STK3: variants seen among roughly 807,000 people sequenced by gnomAD.
STK3 encodes the protein serine/threonine kinase 3.
A neutral mutation model predicts 58.0 loss-of-function variants in STK3; 41 were observed. The ratio of observed to expected loss-of-function variants is 0.71; its 90% CI spans 0.55 to 0.92. STK3 has a LOEUF of 0.92. Among genes scored for constraint, STK3 ranks in the 40% least tolerant of loss-of-function variants. The pLI, the probability that STK3 is intolerant of heterozygous loss-of-function variation, is 0.00. For synonymous variants in STK3, 170 were observed against 191.0 expected (o/e 0.89, Z 0.91); for missense variants, 479 against 602.7 (o/e 0.79, Z 2.15).
chr8:98,672,922 T>G (rs1243295379), intron 6 of STK3, among the ~76,000 whole-genome samples: 1 of 152,114 alleles, frequency 6.6e-6, no homozygotes, highest in Non-Finnish European at 1.5e-5. Flanking sequence ...GCCATATAAT[T>G]ATTGTGAAAT....
At chr8:98,491,130 A>G (rs1248482556) in intron 10 of STK3, among the ~76,000 whole-genome samples, 1 of 151,120 alleles carries the variant, frequency 6.6e-6, no homozygotes, top group African/African-American at 2.4e-5. Flanking sequence ...GCATCCTTCC[A>G]TCCCTCTTTT....
At chr8:98,665,357 C>A (rs1200990441) in intron 6 of STK3, among the ~76,000 whole-genome samples, 1 of 152,082 alleles carries the variant, frequency 6.6e-6, no homozygotes, top group Non-Finnish European at 1.5e-5. Flanking sequence ...GGTTGTATCC[C>A]CATTGAAGTA....
intron 1 of STK3, among the ~76,000 whole-genome samples, chr8:98,896,025 C>T (rs141817219): frequency 3.9e-4 from 59 of 152,188 alleles, no homozygotes; most frequent in African/African-American, 1.3e-3. Context: ...GAGATGAGCA[C>T]GATTTCATTT....
chr8:98,487,959 C>G (rs4348458), intron 10 of STK3, among the ~76,000 whole-genome samples: 15 of 152,068 alleles, frequency 9.9e-5, no homozygotes, highest in Admixed American at 9.8e-4. Flanking sequence ...TTCCATTCAA[C>G]GTAATGGCCA....
At chr8:98,532,948 T>G (rs2131515342) in intron 9 of STK3, among the ~76,000 whole-genome samples, 1 of 152,232 alleles carries the variant, frequency 6.6e-6, no homozygotes, top group Non-Finnish European at 1.5e-5. Flanking sequence ...TATTTTTTTG[T>G]TTTTCTTTGT....
intron 3 of STK3, among the ~76,000 whole-genome samples, chr8:98,872,725 T>C (rs1245178984): frequency 1.3e-5 from 2 of 152,224 alleles, no homozygotes; most frequent in Non-Finnish European, 2.9e-5. Context: ...CTGATTCTTC[T>C]CTCTTTTTTT....
At chr8:98,580,254 T>A (rs1236042366) in intron 7 of STK3, among the ~76,000 whole-genome samples, 1 of 152,184 alleles carries the variant, frequency 6.6e-6, no homozygotes, top group East Asian at 1.9e-4. Context: ...TATTTTCTAT[T>A]TTATTGTATC....
chr8:98,475,326 G>A (rs191835936), intron 10 of STK3, among the ~76,000 whole-genome samples: 25 of 152,290 alleles, frequency 1.6e-4, no homozygotes, highest in Admixed American at 1.6e-3. Context: ...ACCAAGAACA[G>A]GGGTGAGAAG....
intron 10 of STK3, among the ~76,000 whole-genome samples, chr8:98,483,006 T>C (rs895374843): frequency 6.6e-6 from 1 of 152,100 alleles, no homozygotes; most frequent in Admixed American, 6.5e-5. Context: ...GAGAGAACAA[T>C]CTTTTAGGAC....
intron 3 of STK3, among the ~76,000 whole-genome samples, chr8:98,415,162 T>A (rs961400537): frequency 2.6e-5 from 4 of 152,166 alleles, no homozygotes; most frequent in Non-Finnish European, 5.9e-5. Context: ...TGGAGGATGC[T>A]GCAATAAGGA....
At chr8:98,899,732 A>G (rs956512702) in intron 1 of STK3, among the ~76,000 whole-genome samples, 1 of 152,174 alleles carries the variant, frequency 6.6e-6, no homozygotes, top group Non-Finnish European at 1.5e-5. Flanking sequence ...TACTCTTTAC[A>G]AGAACCCTGG....
chr8:98,595,179 A>G (rs1344963933), intron 7 of STK3: 1 of 152,162 alleles, frequency 6.6e-6, no homozygotes, highest in Non-Finnish European at 1.5e-5. Context: ...ACTGGCATCT[A>G]TGGAGATTGA....
intron 4 of STK3, among the ~76,000 whole-genome samples, chr8:98,727,100 T>A (rs191235953): frequency 3.2e-4 from 48 of 152,308 alleles, no homozygotes; most frequent in Middle Eastern, 3.4e-3. Flanking sequence ...TCTCAGACCA[T>A]GTATTTCTGG....
intron 1 of STK3, among the ~76,000 whole-genome samples, chr8:98,795,257 C>T (rs1207466670): frequency 6.9e-6 from 1 of 144,186 alleles, no homozygotes; most frequent in Non-Finnish European, 1.5e-5. Flanking sequence ...ACCACATAAA[C>T]AGAATTTAAA....
chr8:98,490,312 G>A (rs1186053536), intron 10 of STK3, among the ~76,000 whole-genome samples: 1 of 152,112 alleles, frequency 6.6e-6, no homozygotes, highest in Non-Finnish European at 1.5e-5. Flanking sequence ...TTTCTAGTTA[G>A]ATAACTGTAT....
intron 6 of STK3, among the ~76,000 whole-genome samples, chr8:98,656,141 A>T (rs1821486318): frequency 6.6e-6 from 1 of 152,216 alleles, no homozygotes; most frequent in South Asian, 2.1e-4. Context: ...TACACCATGG[A>T]ATGATATGCA....
At chr8:98,669,237 C>T (rs1822616688) in intron 6 of STK3, among the ~76,000 whole-genome samples, 1 of 152,080 alleles carries the variant, frequency 6.6e-6, no homozygotes, top group African/African-American at 2.4e-5. Flanking sequence ...CATCATGATC[C>T]ACCCACCTCG....
chr8:98,372,805 C>T (rs569778858), intron 2 of STK3, among the ~76,000 whole-genome samples: 83 of 152,194 alleles, frequency 5.5e-4, no homozygotes, highest in Non-Finnish European at 1.0e-3. Flanking sequence ...CACAGTCTAG[C>T]GCTGCTCCCT....
At chr8:98,896,611 T>A (rs1165691052) in intron 1 of STK3, among the ~76,000 whole-genome samples, 1 of 152,240 alleles carries the variant, frequency 6.6e-6, no homozygotes, top group East Asian at 1.9e-4. Flanking sequence ...ACATTCTTGA[T>A]TTGACCAAGT....
Sources: gnomAD v4.1 joint callset for allele counts (sites outside exome capture counted in the v4.1 genomes callset) on GRCh38, gnomAD v4.1.1 for gene constraint, MANE v1.5 for transcripts, NCBI Gene and HGNC (gene_info 2026-07-23, HGNC 2026-07-21) for gene names.